The following STAB2 variants were observed in gnomAD, a reference collection of about 807,000 sequenced individuals.
STAB2 encodes stabilin-2.
STAB2 carries 288 observed loss-of-function variants against 338.1 expected under a neutral mutation model. That is an observed-to-expected ratio of 0.85 (90% CI 0.77 to 0.94). The LOEUF is 0.94. Ranked by LOEUF, STAB2 falls within the 40% of genes least tolerant of loss-of-function variation. STAB2 has a pLI of 0.00. For missense variants in STAB2, 3,141 were observed against 3,210.1 expected (o/e 0.98, Z 0.52); for synonymous variants, 1,202 against 1,193.3 (o/e 1.01, Z -0.15).
chr12:103,659,209 A>G (rs893886473), intron 15 of STAB2, among the ~76,000 whole-genome samples: 1 of 152,188 alleles, frequency 6.6e-6, no homozygotes, highest in African/African-American at 2.4e-5. Context: ...CATCCATGCC[A>G]GGTCACTTCT....
At chr12:103,696,421 G>A (rs1293986467) in intron 33 of STAB2, among the ~76,000 whole-genome samples, 5 of 152,154 alleles carry the variant, frequency 3.3e-5, no homozygotes, top group African/African-American at 9.7e-5. Flanking sequence ...TTGGGGTGGG[G>A]TGGCCCTGGG....
At chr12:103,636,407 A>G (rs1176173909) in intron 6 of STAB2, among the ~76,000 whole-genome samples, 5 of 151,516 alleles carry the variant, frequency 3.3e-5, no homozygotes, top group Non-Finnish European at 2.9e-5. Flanking sequence ...CTGTTCAAAT[A>G]ATTATGTGGT....
rs924768896 is a variant in STAB2, at chr12:103,624,933, T to C, written c.487+2822T>C. 2.4e-3 allele frequency among the ~76,000 whole-genome samples: 176 copies of C among 73,314 alleles called. 2 individuals carry two copies. The East Asian group carries it at 0.033, about 14-fold the overall frequency. 48.1% of individuals were successfully genotyped at this position (73,314 alleles called of 152,430 possible). A position where few individuals can be genotyped will look rare whatever the true frequency, so the allele number is the denominator to read the frequency against. On this transcript the variant is annotated intron_variant, in intron 5 of 68. Transcript: ENST00000388887. ...TCCAGCCTGGGTGACAGAGCAAGAC[T>C]CCATCTCAAAAAAAAAAAAAAAAAA...
chr12:103,727,171 C>T lies in STAB2; in HGVS notation c.4852-96C>T. ...CAGAGGTCTCCTCATCCAGTCTTTG[C>T]TTCACCCAGGTGCCATCATCTCTGG... On this transcript the variant is annotated intron_variant, in intron 46 of 68. Coordinates refer to ENST00000388887, the MANE Select transcript of STAB2 (RefSeq NM_017564.10). 9.2e-6 allele frequency: 12 copies of T among 1,300,710 alleles called. No homozygotes were observed. In the South Asian group the frequency reaches 1.4e-4, roughly 16 times the overall value. 80.6% of individuals were successfully genotyped at this position (1,300,710 alleles called of 1,614,324 possible).
intron 30 of STAB2, 49 bp from the exon 31 acceptor site, chr12:103,692,763 A>C (rs935505888): frequency 1.3e-6 from 2 of 1,500,326 alleles, no homozygotes; most frequent in African/African-American, 2.8e-5. Context: ...CTCAATCCCA[A>C]GGTGCGCTCT....
intron 46 of STAB2, 128 bp downstream of exon 46, chr12:103,726,291 C>T (rs1881199047): frequency 3.4e-6 from 3 of 869,630 alleles, no homozygotes; most frequent in Non-Finnish European, 5.5e-6. Flanking sequence ...GAGTTCGAGA[C>T]CAGTCTGGGG....
rs557436741 is a variant in STAB2 at position 103,650,297 on chromosome 12, A to G, written c.1175-199A>G. On this transcript the variant is annotated intron_variant, in intron 10 of 68. Coordinates refer to ENST00000388887, the MANE Select transcript of STAB2 (RefSeq NM_017564.10). ...GAAAACTCTCACGGCATTATGTGGA[A>G]TGTATTGAGGCCATGGCTTTAGGGT... 2.0e-5 allele frequency among the ~76,000 whole-genome samples: 3 copies of G among 152,158 alleles called. No individual in the cohort carries two copies. In the East Asian group the frequency reaches 5.8e-4, roughly 29 times the overall value.
In STAB2 at chr12:103,695,781, A is replaced by T. The variant is rs1235179131; in HGVS notation, c.3519A>T (p.Thr1173=). 14 of 1,614,200 alleles carry T rather than the reference A, an allele frequency of 8.7e-6. No homozygotes were observed. Among genetic ancestry groups the T allele is most frequent in the Non-Finnish European group, 1.2e-5 (14 of 1,180,036 alleles). Residue 1173 remains threonine, a synonymous_variant, in exon 33 of 69, where the codon ACA becomes ACT. Transcript: ENST00000388887. ...ANAIEAADAY[T]VFAPNNNAIE... is the part of the protein sequence containing the mutation. ...CAATTGAGGCTGCCGATGCCTACAC[A>T]GTGTTTGCTCCAAACAACAATGCCA...
At chr12:103,648,871 A>G (rs745888174) in intron 10 of STAB2, 48 bp downstream of exon 10, 1 of 1,598,828 alleles carries the variant, frequency 6.3e-7, no homozygotes, top group Non-Finnish European at 8.5e-7. Context: ...CTCTTTCAGG[A>G]AAGGGCATCT....
chr12:103,636,364 A>G (rs1324852479), intron 6 of STAB2, among the ~76,000 whole-genome samples: 1 of 151,570 alleles, frequency 6.6e-6, no homozygotes, highest in Non-Finnish European at 1.5e-5. Context: ...TCATGATTTT[A>G]ATTGTTCATA....
At chr12:103,748,183 A>G (rs138008177) in intron 58 of STAB2, among the ~76,000 whole-genome samples, 23 of 152,336 alleles carry the variant, frequency 1.5e-4, no homozygotes, top group African/African-American at 5.5e-4. Context: ...AAGGCATTCC[A>G]GAAGTGAGTC....
chr12:103,669,573 TGACTGCAACCA>T lies in STAB2; in HGVS notation c.2207_2217del (p.Asp736ValfsTer18), dbSNP rs1216637633. On this transcript the variant is annotated frameshift_variant, in exon 21 of 69. Coordinates refer to ENST00000388887, the MANE Select transcript of STAB2 (RefSeq NM_017564.10). LOFTEE classifies it high-confidence loss of function. ...AGTGCTGCAAAGGCTTCTATGGACC[TGACTGCAACCA>T]GTGTCCAGGAGGCTTCTCAAATCCA... is the stretch of plus-strand genomic sequence containing the variant. The T allele has an allele frequency of 6.2e-7, 1 of 1,614,132 alleles. No individual in the cohort carries two copies. The highest frequency in any genetic ancestry group is 1.7e-5 in the Admixed American group (1 of 60,012).
rs748420812 is a variant in STAB2, at chr12:103,652,563, A to T, written c.1265A>T (p.Glu422Val). 1 of 1,576,860 alleles carries T rather than the reference A, an allele frequency of 6.3e-7. No individual in the cohort carries two copies. The highest frequency in any genetic ancestry group is 8.6e-7 in the Non-Finnish European group (1 of 1,165,522). Reference protein sequence around the residue: ...DKGLKGFNVNELLVDNKAAQY... With the variant: ...DKGLKGFNVNVLLVDNKAAQY... ...TTGGCTCTTCTCTCTTAGGTAAATG[A>T]GCTTTTGGTGGATAATAAAGCTGCT... is the stretch of plus-strand genomic sequence containing the variant. The change falls in exon 12 of 69, where the codon GAG (glutamate) becomes GTG (valine). Residue 422 changes from glutamate (E) to valine (V), a missense_variant. Glu to Val is a moderately radical substitution (Grantham distance 121, BLOSUM62 -2). Transcript: ENST00000388887.
chr12:103,668,270 T>G (rs1326916767), intron 19 of STAB2, among the ~76,000 whole-genome samples: 1 of 152,220 alleles, frequency 6.6e-6, no homozygotes, highest in African/African-American at 2.4e-5. Flanking sequence ...ATAGACCCTT[T>G]GGGGGCTCCA....
Position 103,763,603 on chromosome 12 carries a change from T to G in STAB2, c.7600T>G (p.Phe2534Val). ...TCCCCCAGAACCTTCCTACGACCCC[T>G]TCACGGTGAGTTTGCATTCTTATCT... ...SAPPEPSYDP[F>V]TDSEERQLEG... Residue 2534 changes from phenylalanine (F) to valine (V), a missense_variant, in exon 68 of 69, where the codon TTC becomes GTC. Physicochemically the swap from Phe to Val is conservative, Grantham distance 50 (BLOSUM62 -1). Coordinates refer to ENST00000388887, the MANE Select transcript of STAB2 (RefSeq NM_017564.10). 2 of 1,613,560 alleles carry G rather than the reference T, an allele frequency of 1.2e-6. No homozygotes were observed. The highest frequency in any genetic ancestry group is 1.7e-6 in the Non-Finnish European group (2 of 1,179,664).
chr12:103,699,386 G>C (rs1878671438), intron 34 of STAB2, among the ~76,000 whole-genome samples, 159 bp downstream of exon 34: 1 of 152,146 alleles, frequency 6.6e-6, no homozygotes, highest in Non-Finnish European at 1.5e-5. Flanking sequence ...GAAAGAAAAA[G>C]AGGTTTAACA....
intron 28 of STAB2, among the ~76,000 whole-genome samples, chr12:103,689,367 C>T (rs1303117972): frequency 6.6e-6 from 1 of 151,882 alleles, no homozygotes; most frequent in Non-Finnish European, 1.5e-5. Context: ...CCTGTAATTC[C>T]AGCTACTCAG....
Position 103,692,801 on chromosome 12 carries a change from T to C in STAB2, c.3298-11T>C. ...AAAGACTCATCTTCCCACTGTGGTT[T>C]GCATTTACAGAATATCACAATTGAA... is the stretch of plus-strand genomic sequence containing the variant. On this transcript the variant is annotated splice_polypyrimidine_tract_variant and intron_variant, in intron 30 of 68. Transcript: ENST00000388887. 2 of 1,611,572 alleles carry C rather than the reference T, an allele frequency of 1.2e-6. No individual in the cohort carries two copies. Among genetic ancestry groups the C allele is most frequent in the South Asian group, 2.2e-5 (2 of 90,856 alleles).
Position 103,760,349 on chromosome 12 carries a change from C to G in STAB2, c.7249-951C>G, listed in dbSNP as rs11111749. On this transcript the variant is annotated intron_variant, in intron 65 of 68. Coordinates refer to ENST00000388887, the MANE Select transcript of STAB2 (RefSeq NM_017564.10). ...AATCTCGGTTCACTGCAACCTCCCCCTCCTGGATTCAAGCGATCCTCCTGC... is the reference window on the plus strand; with the variant it reads ...AATCTCGGTTCACTGCAACCTCCCCGTCCTGGATTCAAGCGATCCTCCTGC... Among the ~76,000 whole-genome samples the G allele has an allele frequency of 1.2e-3, 187 of 150,614 alleles. 1 individual carries two copies. The highest frequency in any genetic ancestry group is 4.5e-3 in the African/African-American group (180 of 39,922).
Sources: gnomAD v4.1 joint callset for allele counts (sites outside exome capture counted in the v4.1 genomes callset) on GRCh38, gnomAD v4.1.1 for gene constraint, MANE v1.5 for transcripts, NCBI Gene and HGNC (gene_info 2026-07-23, HGNC 2026-07-21) for gene names.